The following SYNPO variants were observed in gnomAD, a reference collection of about 807,000 sequenced individuals.
SYNPO encodes the protein synaptopodin.
SYNPO carries 19 observed loss-of-function variants against 49.5 expected under a neutral mutation model. The ratio of observed to expected loss-of-function variants is 0.38; its 90% CI spans 0.27 to 0.56. SYNPO has a LOEUF of 0.56. Among genes scored for constraint, SYNPO ranks in the 20% least tolerant of loss-of-function variants. SYNPO has a pLI of 0.68. For synonymous variants in SYNPO, 536 were observed against 548.0 expected, an observed-to-expected ratio of 0.98 and a Z score of 0.31; for missense variants, 1,131 against 1,248.3, an observed-to-expected ratio of 0.91 and a Z score of 1.42.
At chr5:150,650,962 G>A (rs1758358037) in intron 2 of SYNPO, 2 of 1,254,480 alleles carry the variant, frequency 1.6e-6, no homozygotes, top group Admixed American at 3.8e-5. Flanking sequence ...GCTGGCTGCG[G>A]ACTCGGCCCA....
intron 2 of SYNPO, among the ~76,000 whole-genome samples, chr5:150,619,105 C>A (rs1039561029): frequency 6.6e-6 from 1 of 151,924 alleles, no homozygotes; most frequent in East Asian, 1.9e-4. Context: ...CAAATCACTG[C>A]GGTGTCCCAA....
intron 1 of SYNPO, among the ~76,000 whole-genome samples, chr5:150,647,707 C>T (rs1401051842): frequency 6.6e-6 from 1 of 152,184 alleles, no homozygotes; most frequent in South Asian, 2.1e-4. Context: ...ACCAGTTAAT[C>T]CTGAGAGGAT....
intron 2 of SYNPO, among the ~76,000 whole-genome samples, chr5:150,621,543 G>A (rs540956702): frequency 2.0e-5 from 3 of 152,270 alleles, no homozygotes; most frequent in South Asian, 2.1e-4. Flanking sequence ...GGTTATTAGC[G>A]GATTAGGGCT....
At position 150,657,189 on chromosome 5, in the gene SYNPO, G is replaced by A. The variant is rs1177124303; in HGVS notation, c.*102G>A. On this transcript the variant is annotated 3_prime_UTR_variant, in exon 3 of 3. Coordinates refer to ENST00000307662, the MANE Select transcript of SYNPO (RefSeq NM_007286.6). ...GGCCTCTTTGGGCAGCCCCAGAGAT[G>A]AGGGGTCAGCAGAGGAGAGCTCTGG... 4 of 1,302,784 alleles carry A rather than the reference G, an allele frequency of 3.1e-6. No individual in the cohort carries two copies. The highest frequency in any genetic ancestry group is 2.1e-6 in the Non-Finnish European group (2 of 962,534). The allele number at this position is 1,302,784 out of a possible 1,614,324, so 80.7% of individuals were successfully genotyped here.
intron 1 of SYNPO, among the ~76,000 whole-genome samples, chr5:150,642,105 G>A (rs1757929836): frequency 6.6e-6 from 1 of 152,266 alleles, no homozygotes; most frequent in East Asian, 1.9e-4. Context: ...TCTGGGAGCT[G>A]TTGTAAGAAC....
intron 2 of SYNPO, chr5:150,618,810 G>A (rs1757059779): frequency 6.5e-7 from 1 of 1,549,908 alleles, no homozygotes; most frequent in Non-Finnish European, 8.7e-7. Context: ...AGAGTCACTG[G>A]AGACCCCCCA....
At chr5:150,650,427 A>C (rs745601589) in intron 2 of SYNPO, 124 bp downstream of exon 2, 107 of 1,552,316 alleles carry the variant, frequency 6.9e-5, no homozygotes, top group Non-Finnish European at 9.2e-5. Context: ...GAGCTGAGTG[A>C]GGAGAATGGG....
At chr5:150,640,256 G>A (rs1757852355), upstream of SYNPO, 2 of 811,856 alleles carry the variant, frequency 2.5e-6, no homozygotes, top group Non-Finnish European at 3.0e-6. Context: ...ATTCTAGGTA[G>A]GCCGGAAATC....
chr5:150,605,037 A>G (rs1756653084), intron 1 of SYNPO, among the ~76,000 whole-genome samples: 3 of 152,162 alleles, frequency 2.0e-5, no homozygotes, highest in Admixed American at 6.5e-5. Flanking sequence ...CTACCTCACA[A>G]GGCAGTTATG....
intron 1 of SYNPO, among the ~76,000 whole-genome samples, chr5:150,610,248 C>A (rs1456587296): frequency 2.0e-5 from 3 of 152,182 alleles, no homozygotes; most frequent in African/African-American, 7.2e-5. Flanking sequence ...GGGAGGTCAC[C>A]AAAGCCCAAG....
intron 1 of SYNPO, among the ~76,000 whole-genome samples, chr5:150,614,345 C>T (rs1415652162): frequency 6.6e-6 from 1 of 152,164 alleles, no homozygotes; most frequent in Non-Finnish European, 1.5e-5. Flanking sequence ...ATTGCAGAAG[C>T]CAACAGTTGG....
intron 2 of SYNPO, chr5:150,651,456 C>T: frequency 1.0e-6 from 1 of 1,000,518 alleles, no homozygotes; most frequent in Non-Finnish European, 1.2e-6. Context: ...TTGTAAGTGA[C>T]AAGACAGTCC....
the SYNPO span, among the ~76,000 whole-genome samples, chr5:150,592,905 G>A: frequency 6.6e-6 from 1 of 152,228 alleles, no homozygotes; most frequent in African/African-American, 2.4e-5. Flanking sequence ...CTTGTGTCCA[G>A]TGATAGGGTG....
At chr5:150,638,795 T>C (rs111914353), upstream of SYNPO, among the ~76,000 whole-genome samples, 7 of 152,348 alleles carry the variant, frequency 4.6e-5, no homozygotes, top group African/African-American at 1.7e-4. Flanking sequence ...TGCCACCTTT[T>C]TGTCTTTTAG....
chr5:150,619,190 T>C (rs1757074125), intron 2 of SYNPO, among the ~76,000 whole-genome samples: 1 of 152,070 alleles, frequency 6.6e-6, no homozygotes, highest in African/African-American at 2.4e-5. Context: ...GACGCGGCAC[T>C]GGACCAAACG....
chr5:150,588,954 T>C, the SYNPO span, among the ~76,000 whole-genome samples: 2 of 152,216 alleles, frequency 1.3e-5, no homozygotes, highest in African/African-American at 4.8e-5. Flanking sequence ...CTTGTATGTC[T>C]TTGGAGCAAT....
At chr5:150,639,855 G>A (rs889409246), upstream of SYNPO, among the ~76,000 whole-genome samples, 1 of 152,336 alleles carries the variant, frequency 6.6e-6, no homozygotes, top group Non-Finnish European at 1.5e-5. Context: ...CCTCGAGGCC[G>A]TTGCAGTCTC....
Position 150,649,051 on chromosome 5 carries a change from T to A in SYNPO, c.776T>A (p.Met259Lys). ...GGTSQMERSP[M>K]LERRHFGEKA... ...ACCAGCCAGATGGAGAGGAGCCCCA[T>A]GCTAGAGAGACGACATTTTGGGGAG... Residue 259 changes from methionine (M) to lysine (K), a missense_variant, in exon 2 of 3, where the codon ATG (methionine) becomes AAG (lysine). Physicochemically the swap from Met to Lys is moderately conservative, Grantham distance 95 (BLOSUM62 -1). Coordinates refer to ENST00000307662, the MANE Select transcript of SYNPO (RefSeq NM_007286.6). 6.2e-7 allele frequency: 1 copy of A among 1,614,080 alleles called. No individual in the cohort carries two copies. Among genetic ancestry groups the A allele is most frequent in the South Asian group, 1.1e-5 (1 of 91,076 alleles).
In SYNPO at chr5:150,649,439, G is replaced by A; in HGVS notation, c.1164G>A (p.Lys388=). ...TGTTTACTTTCGTGGAGAAGCCCAA[G>A]GTGACCCCGAATCCAGACTTGCTGG... ...KSMFTFVEKP[K]VTPNPDLLDL... is the part of the protein sequence containing the mutation. Residue 388 remains lysine, a synonymous_variant, in exon 2 of 3, where the codon AAG becomes AAA. Transcript: ENST00000307662. 1 of 1,614,218 alleles carries A rather than the reference G, an allele frequency of 6.2e-7. No homozygotes were observed. Among genetic ancestry groups the A allele is most frequent in the Non-Finnish European group, 8.5e-7 (1 of 1,180,040 alleles).
Sources: gnomAD v4.1 joint callset for allele counts (sites outside exome capture counted in the v4.1 genomes callset) on GRCh38, gnomAD v4.1.1 for gene constraint, MANE v1.5 for transcripts, NCBI Gene and HGNC (gene_info 2026-07-23, HGNC 2026-07-21) for gene names.